The following NFATC1 variants were observed in gnomAD, a reference collection of about 807,000 sequenced individuals.
NFATC1 encodes nuclear factor of activated T cells 1.
Under a neutral mutation model 76.0 loss-of-function variants are expected in NFATC1, and 22 were observed. The observed-to-expected ratio is 0.29, with a 90% CI of 0.21 to 0.41. The LOEUF is 0.41. Among genes scored for constraint, NFATC1 ranks in the 10% least tolerant of loss-of-function variants. The probability of loss-of-function intolerance (pLI) is 1.00; values close to 1 mark genes in which losing one functional copy is unlikely to be tolerated. For synonymous variants in NFATC1, 704 were observed against 613.1 expected (o/e 1.15, Z -2.19); for missense variants, 1,357 against 1,337.7 (o/e 1.01, Z -0.23).
chr18:79,527,601 C>G lies in NFATC1; in HGVS notation c.*24C>G, dbSNP rs774310932. On this transcript the variant is annotated 3_prime_UTR_variant, in exon 10 of 10. Transcript: ENST00000427363. ...AGTTGCCACATTGGAGCACTCAGTT[C>G]AGCAGGGGTATGCTGACTTCAGCAG... The G allele has an allele frequency of 5.0e-6, 8 of 1,610,220 alleles. No individual in the cohort carries two copies. Among genetic ancestry groups the G allele is most frequent in the Non-Finnish European group, 5.9e-6 (7 of 1,176,544 alleles).
intron 2 of NFATC1, chr18:79,421,088 T>C (rs2086076273): frequency 6.6e-6 from 1 of 151,962 alleles, no homozygotes; most frequent in African/African-American, 2.4e-5. Flanking sequence ...ATGGGAGGAG[T>C]GTTTTCTCAC....
chr18:79,466,116 C>G (rs2144916390), intron 7 of NFATC1, among the ~76,000 whole-genome samples: 1 of 152,318 alleles, frequency 6.6e-6, no homozygotes, highest in African/African-American at 2.4e-5. Context: ...CATGGCCCCT[C>G]TGCATGGGTG....
rs146328922 is a variant in NFATC1 at position 79,475,104 on chromosome 18, G to A, written c.2092+7522G>A. Among the ~76,000 whole-genome samples the A allele has an allele frequency of 3.2e-3, 461 of 145,370 alleles. 20 individuals carry two copies. The highest frequency in any genetic ancestry group is 0.025 in the Admixed American group (356 of 14,524). The stretch of plus-strand genomic sequence containing the variant: ...CACACTCACTCGACGTGAGGGAAGC[G>A]TGTTCTCACGCTCACTGTCGACATT... On this transcript the variant is annotated intron_variant, in intron 8 of 9. Transcript: ENST00000427363.
chr18:79,471,323 T>G (rs1296067517), intron 8 of NFATC1, among the ~76,000 whole-genome samples: 1 of 151,950 alleles, frequency 6.6e-6, no homozygotes. Flanking sequence ...CTGGGGCTTG[T>G]GTGAGGGGTG....
At chr18:79,470,617 G>C (rs898188629) in intron 8 of NFATC1, 5 of 152,072 alleles carry the variant, frequency 3.3e-5, no homozygotes, top group Admixed American at 6.5e-5. Flanking sequence ...CGGTGCTTGT[G>C]GGGGGCGGGC....
intron 7 of NFATC1, among the ~76,000 whole-genome samples, chr18:79,466,681 G>C (rs568872977): frequency 2.0e-5 from 3 of 152,238 alleles, no homozygotes; most frequent in South Asian, 2.1e-4. Context: ...GCCCTTGGCT[G>C]TTCCCACCCC....
intron 6 of NFATC1, among the ~76,000 whole-genome samples, chr18:79,458,809 GC>G (rs1305465051): frequency 1.1e-4 from 16 of 152,274 alleles, no homozygotes; most frequent in African/African-American, 3.6e-4. Flanking sequence ...GCGGGACGCG[GC>G]CCTGCGTCTC....
intron 9 of NFATC1, among the ~76,000 whole-genome samples, chr18:79,515,399 C>G (rs2090354812): frequency 6.6e-6 from 1 of 151,342 alleles, no homozygotes; most frequent in Non-Finnish European, 1.5e-5. Flanking sequence ...GTGGTGGTCT[C>G]CAGCCACCTC....
intron 9 of NFATC1, among the ~76,000 whole-genome samples, chr18:79,488,247 C>T (rs2145072918): frequency 6.9e-6 from 1 of 144,200 alleles, no homozygotes; most frequent in South Asian, 2.1e-4. Flanking sequence ...GCCCACAGCC[C>T]TGGTGTGTGT....
chr18:79,408,440 T>A (rs2085516339), intron 1 of NFATC1, among the ~76,000 whole-genome samples: 1 of 152,226 alleles, frequency 6.6e-6, no homozygotes, highest in Non-Finnish European at 1.5e-5. Context: ...ATTACTGATT[T>A]CCCTAATAAT....
At chr18:79,498,561 T>C (rs1030255419) in intron 9 of NFATC1, among the ~76,000 whole-genome samples, 1 of 152,194 alleles carries the variant, frequency 6.6e-6, no homozygotes, top group Non-Finnish European at 1.5e-5. Flanking sequence ...TAAACACATA[T>C]ACACATGCAT....
In NFATC1 at chr18:79,433,726, C is replaced by T. The variant is rs757061470; in HGVS notation, c.1374C>T (p.His458=). 1.6e-5 allele frequency: 26 copies of T among 1,612,418 alleles called. 1 individual carries two copies. The South Asian group carries it at 2.1e-4, about 13-fold the overall frequency. Residue 458 remains histidine (H), a synonymous_variant, in exon 3 of 10, where the codon CAC becomes CAT. Transcript: ENST00000427363. ...RGAVKASAGG[H]PIVQLHGYLE... ...CCGTGAAGGCGTCGGCCGGAGGACA[C>T]CCCATCGTGCAGGTAGGCACTGCGG...
At chr18:79,485,549 G>A (rs1433382404) in intron 8 of NFATC1, among the ~76,000 whole-genome samples, 6 of 152,222 alleles carry the variant, frequency 3.9e-5, no homozygotes, top group East Asian at 1.9e-4. Context: ...CGGGCCTGGC[G>A]GAGCAGCCTT....
At chr18:79,435,331 G>GTTGTT (rs552894226) in intron 3 of NFATC1, among the ~76,000 whole-genome samples, 1 of 30,500 alleles carries the variant, frequency 3.3e-5, no homozygotes, top group Non-Finnish European at 7.2e-5. Context: ...GTTTCTGTTT[G>GTTGTT]TTTTGTTTTT....
chr18:79,456,548 C>T (rs1156302245), intron 6 of NFATC1, among the ~76,000 whole-genome samples: 1 of 152,226 alleles, frequency 6.6e-6, no homozygotes, highest in East Asian at 1.9e-4. Flanking sequence ...GCCCCTGCTC[C>T]TTGTTTTCCT....
intron 7 of NFATC1, among the ~76,000 whole-genome samples, chr18:79,463,831 G>A (rs1039084706): frequency 2.0e-5 from 3 of 152,206 alleles, no homozygotes; most frequent in African/African-American, 4.8e-5. Context: ...CGCGGGTTGC[G>A]GGATGCAGGA....
intron 2 of NFATC1, among the ~76,000 whole-genome samples, chr18:79,424,877 GTC>G (rs1201522600): frequency 7.9e-6 from 1 of 126,822 alleles, no homozygotes; most frequent in African/African-American, 2.7e-5. Flanking sequence ...CTCCATCTCT[GTC>G]TCTTTCTCCA....
rs116671660 is a variant in NFATC1 at position 79,405,655 on chromosome 18, G to A, written c.128-4748G>A. On this transcript the variant is annotated intron_variant, in intron 1 of 9. Coordinates refer to ENST00000427363, the MANE Select transcript of NFATC1 (RefSeq NM_001278669.2). ...AACAAGGGAACTTTATCCACTACCC[G>A]CCCTCCAAGGACCTGGGCGAGGGAT... Among the ~76,000 whole-genome samples the A allele has an allele frequency of 7.6e-4, 116 of 152,296 alleles. 1 individual carries two copies. Among genetic ancestry groups the A allele is most frequent in the African/African-American group, 2.4e-3 (100 of 41,566 alleles).
In NFATC1 at chr18:79,434,813, C is replaced by T. The variant is rs115723486; in HGVS notation, c.1386+1075C>T. Among the ~76,000 whole-genome samples the T allele has an allele frequency of 8.9e-3, 1,358 of 152,326 alleles. 19 individuals carry two copies. The highest frequency in any genetic ancestry group is 0.031 in the African/African-American group (1,272 of 41,576). Reference sequence around the variant, plus strand: ...GCAGCAGCCGGCGGCAGGGAATTAGCGGGCAGGGCGCTGGGGTGAGGCGTT... The same window carrying T: ...GCAGCAGCCGGCGGCAGGGAATTAGTGGGCAGGGCGCTGGGGTGAGGCGTT... On this transcript the variant is annotated intron_variant, in intron 3 of 9. Coordinates refer to ENST00000427363, the MANE Select transcript of NFATC1 (RefSeq NM_001278669.2).
Sources: allele counts gnomAD v4.1 joint callset (sites outside exome capture counted in the v4.1 genomes callset), GRCh38; gene constraint gnomAD v4.1.1; transcripts MANE v1.5; gene names NCBI Gene and HGNC (gene_info 2026-07-23, HGNC 2026-07-21).